Variants in FGF9 observed in about 807,000 individuals in gnomAD.
FGF9 encodes fibroblast growth factor 9.
A neutral mutation model predicts 19.9 loss-of-function variants in FGF9; 3 were observed. The observed-to-expected ratio is 0.15, with a 90% CI of 0.07 to 0.39. FGF9 has a LOEUF of 0.39. Among genes scored for constraint, FGF9 ranks in the 10% least tolerant of loss-of-function variants. The probability of loss-of-function intolerance (pLI) is 1.00; values close to 1 mark genes in which losing one functional copy is unlikely to be tolerated. For missense variants in FGF9, 175 were observed against 256.8 expected (o/e 0.68, Z 2.18); for synonymous variants, 107 against 106.9 (o/e 1.00, Z -0.01).
At chr13:21,687,934 C>G (rs1243172931) in intron 2 of FGF9, among the ~76,000 whole-genome samples, 1 of 152,172 alleles carries the variant, frequency 6.6e-6, no homozygotes, top group East Asian at 1.9e-4. Context: ...TAAAGACATT[C>G]TTGGAGGGAA....
chr13:21,676,013 T>A (rs544891158), intron 1 of FGF9, among the ~76,000 whole-genome samples: 1 of 151,828 alleles, frequency 6.6e-6, no homozygotes, highest in Non-Finnish European at 1.5e-5. Context: ...CTCTGTGCAG[T>A]AGGCTGGGGG....
rs1871775507 is a variant in FGF9, at chr13:21,671,856, C to T, written c.-57C>T. The T allele has an allele frequency of 2.5e-6, 4 of 1,606,506 alleles. No homozygotes were observed. The highest frequency in any genetic ancestry group is 1.3e-5 in the African/African-American group (1 of 74,866). ...GTTGGATATACCTCGCCTAATATCT[C>T]CTGGGTTGACACCATCATTATTGTT... On this transcript the variant is annotated 5_prime_UTR_variant, in exon 1 of 3. Transcript: ENST00000382353.
Position 21,681,027 on chromosome 13 carries a change from A to G in FGF9, c.278-15A>G, listed in dbSNP as rs754641352. On this transcript the variant is annotated splice_polypyrimidine_tract_variant and intron_variant, in intron 1 of 2. Coordinates refer to ENST00000382353, the MANE Select transcript of FGF9 (RefSeq NM_002010.3). ...TGATCTGATCTGTCCTCTGCCTTCT[A>G]CCCTTTGTCTACAGGCATTCTGGAA... 6.3e-7 allele frequency: 1 copy of G among 1,590,398 alleles called. No homozygotes were observed. Among genetic ancestry groups the G allele is most frequent in the Admixed American group, 1.7e-5 (1 of 59,986 alleles).
intron 2 of FGF9, among the ~76,000 whole-genome samples, chr13:21,696,415 C>G (rs1872411367): frequency 6.6e-6 from 1 of 152,034 alleles, no homozygotes; most frequent in Non-Finnish European, 1.5e-5. Flanking sequence ...TATAATCCAA[C>G]AGTTCAAAGA....
At chr13:21,684,365 G>A (rs992427911) in intron 2 of FGF9, among the ~76,000 whole-genome samples, 1 of 151,992 alleles carries the variant, frequency 6.6e-6, no homozygotes, top group African/African-American at 2.4e-5. Flanking sequence ...CACAGCTATG[G>A]CTCTTGTACA....
intron 2 of FGF9, among the ~76,000 whole-genome samples, chr13:21,688,448 C>T (rs192292351): frequency 2.7e-4 from 41 of 152,234 alleles, no homozygotes; most frequent in Admixed American, 1.1e-3. Context: ...AATTCTTAGA[C>T]GATATGGAGG....
intron 2 of FGF9, among the ~76,000 whole-genome samples, chr13:21,696,270 C>G (rs1872408378): frequency 6.6e-6 from 1 of 152,104 alleles, no homozygotes. Context: ...TTCAGTTTTT[C>G]CCACCGCTTG....
rs1872603050 is a variant in FGF9, at chr13:21,704,152, G to C, written c.*2717G>C. On this transcript the variant is annotated 3_prime_UTR_variant, in exon 3 of 3. Transcript: ENST00000382353. ...CAGCCCTGAGCCACTGTGGAATGGG[G>C]GTTCTGGTTTCACAAACAGATGCTT... The C allele has an allele frequency of 6.6e-6, 1 of 152,132 alleles. No homozygotes were observed. Among genetic ancestry groups the C allele is most frequent in the Non-Finnish European group, 1.5e-5 (1 of 68,032 alleles). The allele number at this position is 152,132 out of a possible 1,614,324, so 9.4% of individuals were successfully genotyped here.
intron 2 of FGF9, among the ~76,000 whole-genome samples, chr13:21,699,705 G>A (rs1872494031): frequency 6.6e-6 from 1 of 152,182 alleles, no homozygotes; most frequent in Non-Finnish European, 1.5e-5. Flanking sequence ...AAAGAGAACT[G>A]TCTGTATTTT....
Position 21,702,976 on chromosome 13 carries a change from T to C in FGF9, c.*1541T>C, listed in dbSNP as rs2138152009. 6.6e-6 allele frequency: 1 copy of C among 152,354 alleles called. No individual in the cohort carries two copies. Among genetic ancestry groups the C allele is most frequent in the Middle Eastern group, 3.4e-3 (1 of 294 alleles). The allele number at this position is 152,354 out of a possible 1,614,324, so 9.4% of individuals were successfully genotyped here. A position where few individuals can be genotyped will look rare whatever the true frequency, so the allele number is the denominator to read the frequency against. On this transcript the variant is annotated 3_prime_UTR_variant, in exon 3 of 3. Coordinates refer to ENST00000382353, the MANE Select transcript of FGF9 (RefSeq NM_002010.3). ...ACAAGGCTTTTATAACATTTTATGCTGAAAAGCATAAGAATACGTATTTCT... is the reference window on the plus strand; with the variant it reads ...ACAAGGCTTTTATAACATTTTATGCCGAAAAGCATAAGAATACGTATTTCT...
intron 1 of FGF9, among the ~76,000 whole-genome samples, chr13:21,677,994 G>A (rs1318504133): frequency 4.6e-5 from 7 of 152,260 alleles, no homozygotes; most frequent in Admixed American, 2.0e-4. Context: ...AACTGCATTT[G>A]CCACACTGTT....
intron 2 of FGF9, among the ~76,000 whole-genome samples, chr13:21,690,322 CT>C (rs1334935527): frequency 6.6e-6 from 1 of 152,164 alleles, no homozygotes; most frequent in Non-Finnish European, 1.5e-5. Context: ...ACACATTCTT[CT>C]TTTCATAGTT....
rs186012132 is a variant in FGF9, at chr13:21,684,161, C to T, written c.381+3016C>T. ...AATATTACTTCTTCTGCAAAACCTTCATTACACCCCCAGTTCTAATCCTAT... is the reference window on the plus strand; with the variant it reads ...AATATTACTTCTTCTGCAAAACCTTTATTACACCCCCAGTTCTAATCCTAT... On this transcript the variant is annotated intron_variant, in intron 2 of 2. Transcript: ENST00000382353. Among the ~76,000 whole-genome samples the T allele has an allele frequency of 2.0e-5, 3 of 152,258 alleles. No individual in the cohort carries two copies. In the South Asian group the frequency reaches 6.2e-4, roughly 31 times the overall value.
intron 2 of FGF9, among the ~76,000 whole-genome samples, chr13:21,693,830 A>G (rs1050354580): frequency 1.3e-5 from 2 of 152,080 alleles, no homozygotes; most frequent in Non-Finnish European, 2.9e-5. Context: ...CCTCCTTGAA[A>G]CAGCAATCTC....
intron 2 of FGF9, among the ~76,000 whole-genome samples, chr13:21,689,175 C>G (rs1872230427): frequency 6.6e-6 from 1 of 152,170 alleles, no homozygotes; most frequent in African/African-American, 2.4e-5. Flanking sequence ...TACTCTCTTC[C>G]CTGCTTCACA....
In FGF9 at chr13:21,672,356, A is replaced by C. The variant is rs1468007036; in HGVS notation, c.277+167A>C. Among the ~76,000 whole-genome samples, 1 of 152,062 alleles carries C rather than the reference A, an allele frequency of 6.6e-6. No individual in the cohort carries two copies. The highest frequency in any genetic ancestry group is 2.4e-5 in the African/African-American group (1 of 41,386). ...TCTGTCTTGCCAGCTCCGAAAAAAA[A>C]ATGCCTCCGGAATTGCAGATCTGCT... On this transcript the variant is annotated intron_variant, in intron 1 of 2. Transcript: ENST00000382353. The surrounding 1 kb of genome is among the most constrained non-coding windows in gnomAD (Gnocchi z 4.2).
At chr13:21,679,800 A>T (rs1360412741) in intron 1 of FGF9, among the ~76,000 whole-genome samples, 1 of 150,932 alleles carries the variant, frequency 6.6e-6, no homozygotes, top group Non-Finnish European at 1.5e-5. Flanking sequence ...AAAAAAAAAA[A>T]AAATTTAGCC....
At chr13:21,687,614 G>A (rs965806968) in intron 2 of FGF9, among the ~76,000 whole-genome samples, 20 of 152,214 alleles carry the variant, frequency 1.3e-4, no homozygotes, top group Non-Finnish European at 1.8e-4. Context: ...CAGGGTGCCT[G>A]TTCTGCAGAG....
intron 2 of FGF9, among the ~76,000 whole-genome samples, chr13:21,687,509 G>A (rs937811124): frequency 2.0e-5 from 3 of 152,152 alleles, no homozygotes; most frequent in Non-Finnish European, 4.4e-5. Context: ...CTGACACAGT[G>A]GATTTCATAT....
Sources: allele counts gnomAD v4.1 joint callset (sites outside exome capture counted in the v4.1 genomes callset), GRCh38; gene constraint gnomAD v4.1.1; non-coding constraint Gnocchi (gnomAD v3.1); transcripts MANE v1.5; gene names NCBI Gene and HGNC (gene_info 2026-07-23, HGNC 2026-07-21).